The following NR3C2 variants were observed in gnomAD, a reference collection of about 807,000 sequenced individuals.
The protein encoded by NR3C2 is mineralocorticoid receptor.
NR3C2 carries 15 observed loss-of-function variants against 86.4 expected under a neutral mutation model. The observed-to-expected ratio is 0.17, with a 90% CI of 0.12 to 0.27. NR3C2 has a LOEUF of 0.27. Among genes scored for constraint, NR3C2 ranks in the 10% least tolerant of loss-of-function variants. The pLI, the probability that NR3C2 is intolerant of heterozygous loss-of-function variation, is 1.00. For missense variants in NR3C2, 960 were observed against 1,195.6 expected, an observed-to-expected ratio of 0.80 and a Z score of 2.91; for synonymous variants, 458 against 450.5, an observed-to-expected ratio of 1.02 and a Z score of -0.21.
At chr4:148,368,789 G>A (rs1746274340) in intron 2 of NR3C2, among the ~76,000 whole-genome samples, 1 of 152,138 alleles carries the variant, frequency 6.6e-6, no homozygotes. Context: ...GATACCCACA[G>A]GGAGACCCCA....
In NR3C2 at chr4:148,325,260, C is replaced by G. The variant is rs1049605622; in HGVS notation, c.1758-65143G>C. The stretch of plus-strand genomic sequence containing the variant: ...AATAGCTTCATAACTTTGAGCAAGA[C>G]ATCTTTGGCCTTGTATCCTCATCTG... On this transcript the variant is annotated intron_variant, in intron 2 of 8. Transcript: ENST00000358102. Among the ~76,000 whole-genome samples, 6 of 152,314 alleles carry G rather than the reference C, an allele frequency of 3.9e-5. No homozygotes were observed. In the East Asian group the frequency reaches 1.2e-3, roughly 29 times the overall value.
At chr4:148,237,925 T>G (rs1258863010) in intron 3 of NR3C2, among the ~76,000 whole-genome samples, 1 of 152,148 alleles carries the variant, frequency 6.6e-6, no homozygotes, top group Non-Finnish European at 1.5e-5. Flanking sequence ...ATTCCATTTA[T>G]ATAAGATATC....
chr4:148,377,714 T>A (rs930185125), intron 2 of NR3C2, among the ~76,000 whole-genome samples: 1 of 152,218 alleles, frequency 6.6e-6, no homozygotes, highest in South Asian at 2.1e-4. Flanking sequence ...GGAGCTTGAA[T>A]ACTAAGTAGA....
Position 148,351,642 on chromosome 4 carries a change from G to A in NR3C2, c.1757+83462C>T, listed in dbSNP as rs181974843. On this transcript the variant is annotated intron_variant, in intron 2 of 8. Transcript: ENST00000358102. ...TGTGAGCCACTTGAGAGCAGGGCGA[G>A]GGCAGCATCTTGTTCAATTTGCATC... Among the ~76,000 whole-genome samples the A allele has an allele frequency of 7.9e-5, 12 of 152,260 alleles. No homozygotes were observed. In the East Asian group the frequency reaches 2.3e-3, roughly 29 times the overall value.
intron 2 of NR3C2, among the ~76,000 whole-genome samples, chr4:148,342,803 C>T (rs1744812148): frequency 6.6e-6 from 1 of 152,096 alleles, no homozygotes; most frequent in African/African-American, 2.4e-5. Flanking sequence ...AAGATTTTCA[C>T]AGAAATACTA....
At chr4:148,434,822 A>C (rs1443848495) in intron 2 of NR3C2, among the ~76,000 whole-genome samples, 2 of 152,250 alleles carry the variant, frequency 1.3e-5, no homozygotes, top group Non-Finnish European at 2.9e-5. Flanking sequence ...CTGGCAGTAA[A>C]ACATAAATTT....
intron 2 of NR3C2, among the ~76,000 whole-genome samples, chr4:148,401,048 T>C (rs984387296): frequency 5.9e-5 from 9 of 152,238 alleles, no homozygotes; most frequent in African/African-American, 1.9e-4. Context: ...GTATTCACTA[T>C]GTTCCAGGTG....
chr4:148,415,802 C>T (rs1748964208), intron 2 of NR3C2, among the ~76,000 whole-genome samples: 2 of 152,192 alleles, frequency 1.3e-5, no homozygotes, highest in African/African-American at 2.4e-5. Context: ...ATCATTACTG[C>T]TGCTCTTTTA....
At chr4:148,353,219 G>A (rs1745384192) in intron 2 of NR3C2, among the ~76,000 whole-genome samples, 1 of 151,926 alleles carries the variant, frequency 6.6e-6, no homozygotes, top group Non-Finnish European at 1.5e-5. Flanking sequence ...ATGTAAGAAG[G>A]CTTATAATTA....
chr4:148,442,400 C>A lies in NR3C2; in HGVS notation c.-243G>T, dbSNP rs1750392355. The A allele has an allele frequency of 6.7e-6, 1 of 150,196 alleles. No individual in the cohort carries two copies. Among genetic ancestry groups the A allele is most frequent in the Non-Finnish European group, 1.5e-5 (1 of 68,740 alleles). 9.3% of individuals were successfully genotyped at this position (150,196 alleles called of 1,614,324 possible). A position where few individuals can be genotyped will look rare whatever the true frequency, so the allele number is the denominator to read the frequency against. ...CCCGGGCCCAATGACACCCCGGGCGCGGAGGGGCTGAGAGGAGGGGGCAGG... is the reference window on the plus strand; with the variant it reads ...CCCGGGCCCAATGACACCCCGGGCGAGGAGGGGCTGAGAGGAGGGGGCAGG... On this transcript the variant is annotated 5_prime_UTR_variant, in exon 1 of 9. Transcript: ENST00000358102.
At chr4:148,188,778 G>A (rs1736057722) in intron 4 of NR3C2, among the ~76,000 whole-genome samples, 1 of 152,098 alleles carries the variant, frequency 6.6e-6, no homozygotes, top group Non-Finnish European at 1.5e-5. Flanking sequence ...TGTTGAAGAG[G>A]AGTGGTGACA....
At chr4:148,099,606 C>G (rs1016689940) in intron 8 of NR3C2, among the ~76,000 whole-genome samples, 1 of 152,146 alleles carries the variant, frequency 6.6e-6, no homozygotes, top group Non-Finnish European at 1.5e-5. Context: ...TACTCATCCT[C>G]ACCTCATGGA....
chr4:148,171,595 G>C (rs987860954), intron 4 of NR3C2, among the ~76,000 whole-genome samples: 1 of 152,188 alleles, frequency 6.6e-6, no homozygotes, highest in African/African-American at 2.4e-5. Flanking sequence ...AATAGGGTTC[G>C]TGCTCCTATG....
intron 3 of NR3C2, among the ~76,000 whole-genome samples, chr4:148,224,335 T>C (rs780713010): frequency 6.6e-6 from 1 of 152,194 alleles, no homozygotes; most frequent in Non-Finnish European, 1.5e-5. Flanking sequence ...AAATAGAATG[T>C]GTTACACTAT....
chr4:148,370,753 G>A (rs561936660), intron 2 of NR3C2, among the ~76,000 whole-genome samples: 9 of 152,270 alleles, frequency 5.9e-5, no homozygotes, highest in African/African-American at 2.2e-4. Context: ...CATTTTACCA[G>A]TAAGTATTTA....
intron 6 of NR3C2, among the ~76,000 whole-genome samples, chr4:148,121,457 G>C (rs1022188409): frequency 6.6e-5 from 10 of 152,216 alleles, no homozygotes; most frequent in Non-Finnish European, 1.3e-4. Context: ...CTAATAGCAT[G>C]AGCTTCCAAA....
At chr4:148,329,082 G>A (rs1744102189) in intron 2 of NR3C2, among the ~76,000 whole-genome samples, 1 of 152,158 alleles carries the variant, frequency 6.6e-6, no homozygotes, top group Non-Finnish European at 1.5e-5. Flanking sequence ...GCCTTCAGGG[G>A]TCTGGAAGCT....
chr4:148,435,971 A>C lies in NR3C2; in HGVS notation c.890T>G (p.Val297Gly). Reference sequence around the variant, plus strand: ...GTTGTTAATATTTGCAGGGCTAGACACAGAGGATCTCAGAGTGACATTATT... The same window carrying C: ...GTTGTTAATATTTGCAGGGCTAGACCCAGAGGATCTCAGAGTGACATTATT... Reference protein sequence around the residue: ...SPNNVTLRSSVSSPANINNSR... With the variant: ...SPNNVTLRSSGSSPANINNSR... Residue 297 changes from valine to glycine, a missense_variant, in exon 2 of 9, where the codon GTG becomes GGG. Around this residue, in one of 4 missense-constraint regions of NR3C2, gnomAD observed 680 missense variants for 719.0 expected, o/e 0.95. Transcript: ENST00000358102. 6.2e-7 allele frequency: 1 copy of C among 1,614,206 alleles called. No homozygotes were observed. The highest frequency in any genetic ancestry group is 8.5e-7 in the Non-Finnish European group (1 of 1,180,032).
At chr4:148,338,523 A>C (rs1744600405) in intron 2 of NR3C2, among the ~76,000 whole-genome samples, 1 of 152,174 alleles carries the variant, frequency 6.6e-6, no homozygotes, top group Non-Finnish European at 1.5e-5. Flanking sequence ...TGGTTTATTC[A>C]TGTAAAAATC....
Sources: gnomAD v4.1 joint callset for allele counts (sites outside exome capture counted in the v4.1 genomes callset) on GRCh38, gnomAD v4.1.1 for gene constraint, gnomAD v4.1.1 regional missense constraint, MANE v1.5 for transcripts, NCBI Gene and HGNC (gene_info 2026-07-23, HGNC 2026-07-21) for gene names.